TSG101: variants seen among roughly 807,000 people sequenced by gnomAD.
TSG101 encodes the protein tumor susceptibility gene 101 protein.
A neutral mutation model predicts 48.5 loss-of-function variants in TSG101; 19 were observed. The observed-to-expected ratio is 0.39, with a 90% CI of 0.27 to 0.58. The LOEUF (loss-of-function observed/expected upper bound fraction) is 0.58, where lower values mean the gene tolerates loss of function less well. TSG101 is among the 20% of genes least tolerant of loss of function. TSG101 has a pLI of 0.55. For synonymous variants in TSG101, 174 were observed against 169.4 expected, an observed-to-expected ratio of 1.03 and a Z score of -0.21; for missense variants, 365 against 484.4, an observed-to-expected ratio of 0.75 and a Z score of 2.31.
intron 2 of TSG101, among the ~76,000 whole-genome samples, chr11:18,519,289 C>T (rs1390833000): frequency 6.6e-6 from 1 of 152,146 alleles, no homozygotes. Flanking sequence ...CAGAAATGAG[C>T]CACCACATCC....
chr11:18,517,937 T>C (rs1383690978), intron 2 of TSG101, among the ~76,000 whole-genome samples: 1 of 152,268 alleles, frequency 6.6e-6, no homozygotes, highest in Non-Finnish European at 1.5e-5. Context: ...CTTTGTTTAC[T>C]CTAAAAGTAT....
At chr11:18,518,388 G>C (rs1231827705) in intron 2 of TSG101, among the ~76,000 whole-genome samples, 1 of 152,172 alleles carries the variant, frequency 6.6e-6, no homozygotes, top group Non-Finnish European at 1.5e-5. Context: ...CTTGCTTTCA[G>C]AGCTAAGGGA....
intron 7 of TSG101, among the ~76,000 whole-genome samples, chr11:18,499,283 A>G (rs1157206944): frequency 8.7e-6 from 1 of 115,244 alleles, no homozygotes; most frequent in Non-Finnish European, 1.8e-5. Context: ...ATTTATATAT[A>G]TCATATATAT....
At chr11:18,481,456 C>G in intron 9 of TSG101, 174 bp downstream of exon 9, 1 of 1,411,606 alleles carries the variant, frequency 7.1e-7, no homozygotes, top group Non-Finnish European at 9.2e-7. Context: ...GACCAATCCT[C>G]AGTACTCTGT....
chr11:18,483,923 TCAGGTCTTCTTCTGTTCGTTTCAAGG>T lies in TSG101; in HGVS notation c.764_789del (p.Ala255GlufsTer22). The T allele has an allele frequency of 6.2e-7, 1 of 1,614,196 alleles. No individual in the cohort carries two copies. The highest frequency in any genetic ancestry group is 8.5e-7 in the Non-Finnish European group (1 of 1,180,036). Reference sequence around the variant, plus strand: ...TCTTCCAGTTTCTGGTGACCCTTTTTCAGGTCTTCTTCTGTTCGTTTCAAGGCATTGAGCTCTGCCTGGGCACGATC... The same window carrying T: ...TCTTCCAGTTTCTGGTGACCCTTTTTCATTGAGCTCTGCCTGGGCACGATC... On this transcript the variant is annotated frameshift_variant, in exon 8 of 10. Transcript: ENST00000251968. LOFTEE classifies it high-confidence loss of function.
intron 7 of TSG101, among the ~76,000 whole-genome samples, chr11:18,499,699 C>G (rs1207478081): frequency 2.6e-5 from 4 of 151,724 alleles, no homozygotes; most frequent in Non-Finnish European, 4.4e-5. Context: ...GTGTGAGCCA[C>G]TGTGCCTGGC....
At chr11:18,497,167 C>T (rs1590276227) in intron 7 of TSG101, among the ~76,000 whole-genome samples, 1 of 152,040 alleles carries the variant, frequency 6.6e-6, no homozygotes, top group African/African-American at 2.4e-5. Flanking sequence ...AGAATAACAG[C>T]CCAAATCGTG....
At chr11:18,516,816 C>T (rs905172204) in intron 2 of TSG101, among the ~76,000 whole-genome samples, 5 of 151,464 alleles carry the variant, frequency 3.3e-5, no homozygotes, top group South Asian at 2.1e-4. Context: ...TGGCACATGC[C>T]TGTAATCCCA....
intron 7 of TSG101, among the ~76,000 whole-genome samples, chr11:18,489,863 T>C (rs1356015155): frequency 6.6e-6 from 1 of 152,226 alleles, no homozygotes. Flanking sequence ...TACAATGGAA[T>C]TGTATTTCAA....
At chr11:18,487,694 AAAAC>A (rs1475532909) in intron 7 of TSG101, among the ~76,000 whole-genome samples, 1 of 152,146 alleles carries the variant, frequency 6.6e-6, no homozygotes, top group African/African-American at 2.4e-5. Context: ...GCAAAAAACA[AAAAC>A]AAAAGAAACA....
intron 4 of TSG101, among the ~76,000 whole-genome samples, 161 bp from the exon 5 acceptor site, chr11:18,509,826 A>C (rs1850048804): frequency 6.6e-6 from 1 of 152,264 alleles, no homozygotes; most frequent in African/African-American, 2.4e-5. Flanking sequence ...AATAGAGTTA[A>C]GTGGTTTTAA....
At chr11:18,516,815 C>A (rs892401527) in intron 2 of TSG101, among the ~76,000 whole-genome samples, 2 of 151,566 alleles carry the variant, frequency 1.3e-5, no homozygotes, top group Non-Finnish European at 2.9e-5. Flanking sequence ...GTGGCACATG[C>A]CTGTAATCCC....
At chr11:18,499,146 T>C (rs941109949) in intron 7 of TSG101, among the ~76,000 whole-genome samples, 1 of 146,858 alleles carries the variant, frequency 6.8e-6, no homozygotes, top group African/African-American at 2.5e-5. Context: ...AATGAAGACA[T>C]CCAATAGTGG....
intron 7 of TSG101, among the ~76,000 whole-genome samples, chr11:18,486,968 G>C (rs1434894122): frequency 6.6e-6 from 1 of 151,744 alleles, no homozygotes; most frequent in Non-Finnish European, 1.5e-5. Context: ...GTCCTTTGTA[G>C]GGACATGGAT....
intron 9 of TSG101, chr11:18,481,345 G>GT (rs1307563608): frequency 5.3e-5 from 60 of 1,126,650 alleles, no homozygotes; most frequent in Non-Finnish European, 6.4e-5. Context: ...AAATCTGATC[G>GT]TACCTCCTGA....
At chr11:18,525,566 TCATGGAA>T (rs1850358351) in intron 1 of TSG101, 1 of 276,736 alleles carries the variant, frequency 3.6e-6, no homozygotes, top group African/African-American at 2.6e-5. Flanking sequence ...AAAAAAAGAG[TCATGGAA>T]CAGATACTCT....
At chr11:18,501,220 T>C (rs952939398) in intron 7 of TSG101, among the ~76,000 whole-genome samples, 2 of 152,186 alleles carry the variant, frequency 1.3e-5, no homozygotes, top group Admixed American at 6.6e-5. Context: ...GTTTCCCCTA[T>C]GTATTCTTCT....
chr11:18,519,732 C>A, intron 1 of TSG101, 129 bp from the exon 2 acceptor site: 1 of 626,446 alleles, frequency 1.6e-6, no homozygotes, highest in Non-Finnish European at 2.8e-6. Context: ...CCTAAAAAAC[C>A]CATAATACTA....
At chr11:18,522,131 C>A (rs1271571220) in intron 1 of TSG101, among the ~76,000 whole-genome samples, 2 of 152,208 alleles carry the variant, frequency 1.3e-5, no homozygotes, top group African/African-American at 4.8e-5. Context: ...GTCTTCTTCT[C>A]TATCTAAACT....
Sources: allele counts gnomAD v4.1 joint callset (sites outside exome capture counted in the v4.1 genomes callset), GRCh38; gene constraint gnomAD v4.1.1; transcripts MANE v1.5; gene names NCBI Gene and HGNC (gene_info 2026-07-23, HGNC 2026-07-21).